The following CFAP70 variants were observed in gnomAD, a reference collection of about 807,000 sequenced individuals.
CFAP70 encodes cilia- and flagella-associated protein 70.
CFAP70 carries 81 observed loss-of-function variants against 137.6 expected under a neutral mutation model. The observed-to-expected ratio is 0.59, with a 90% CI of 0.49 to 0.71. CFAP70 has a LOEUF of 0.71. Ranked by LOEUF, CFAP70 falls within the 30% of genes least tolerant of loss-of-function variation. The probability of loss-of-function intolerance (pLI) is 0.00; values close to 1 mark genes in which losing one functional copy is unlikely to be tolerated. For synonymous variants in CFAP70, 382 were observed against 423.6 expected (o/e 0.90, Z 1.20); for missense variants, 976 against 1,226.7 (o/e 0.80, Z 3.05).
chr10:73,259,859 T>C (rs947587351), intron 25 of CFAP70, among the ~76,000 whole-genome samples: 1 of 151,880 alleles, frequency 6.6e-6, no homozygotes, highest in African/African-American at 2.4e-5. Context: ...GGTGAGACTC[T>C]GTCTCTACAA....
chr10:73,343,349 T>C (rs1045674466), intron 5 of CFAP70, among the ~76,000 whole-genome samples: 1 of 151,984 alleles, frequency 6.6e-6, no homozygotes, highest in Non-Finnish European at 1.5e-5. Flanking sequence ...GACACTATTA[T>C]AGAGAAGCAA....
At chr10:73,343,963 A>G (rs886600353) in intron 5 of CFAP70, among the ~76,000 whole-genome samples, 1 of 140,904 alleles carries the variant, frequency 7.1e-6, no homozygotes, top group Admixed American at 6.7e-5. Flanking sequence ...ACATATGAAG[A>G]ATTTTTTTTT....
chr10:73,296,028 A>G (rs1047286287), intron 15 of CFAP70: 1 of 152,204 alleles, frequency 6.6e-6, no homozygotes, highest in Non-Finnish European at 1.5e-5. Flanking sequence ...GAAGTACTGA[A>G]TGGCATCAAT....
chr10:73,260,149 T>A (rs2045004301), intron 25 of CFAP70, among the ~76,000 whole-genome samples: 1 of 152,140 alleles, frequency 6.6e-6, no homozygotes, highest in Non-Finnish European at 1.5e-5. Context: ...GGCCAGGAGT[T>A]CAAGACTAGC....
chr10:73,358,068 CATTT>C (rs112971310), intron 1 of CFAP70, among the ~76,000 whole-genome samples: 1 of 152,228 alleles, frequency 6.6e-6, no homozygotes, highest in African/African-American at 2.4e-5. Context: ...ACCTGTTTCA[CATTT>C]ATTGTGAATA....
At chr10:73,284,743 T>C (rs1445242342) in intron 19 of CFAP70, among the ~76,000 whole-genome samples, 5 of 1,310 alleles carry the variant, frequency 3.8e-3, no homozygotes, top group Non-Finnish European at 7.4e-3. Flanking sequence ...CTGCCACATA[T>C]ATATATATAT....
At chr10:73,304,768 T>G (rs1218013934) in intron 12 of CFAP70, among the ~76,000 whole-genome samples, 1 of 151,840 alleles carries the variant, frequency 6.6e-6, no homozygotes, top group African/African-American at 2.4e-5. Context: ...ATAATGCTCC[T>G]CACATCAAGA....
intron 5 of CFAP70, among the ~76,000 whole-genome samples, chr10:73,342,736 C>CA (rs890979331): frequency 6.6e-6 from 1 of 151,654 alleles, no homozygotes; most frequent in African/African-American, 2.4e-5. Flanking sequence ...ATAGCAACAA[C>CA]AAAAAAAGAG....
In CFAP70 at chr10:73,265,334, A is replaced by G. The variant is rs545524708; in HGVS notation, c.3027+4280T>C. ...AGACTCCATCTCAAAAAAAAAAAAA[A>G]AAGAAGAAGAAGAAGAGATTCATGT... On this transcript the variant is annotated intron_variant, in intron 25 of 26. Coordinates refer to ENST00000310715, the Ensembl canonical transcript of CFAP70. Among the ~76,000 whole-genome samples, 75 of 150,778 alleles carry G rather than the reference A, an allele frequency of 5.0e-4. 2 individuals carry two copies. In the South Asian group the frequency reaches 0.011, roughly 22 times the overall value.
intron 9 of CFAP70, among the ~76,000 whole-genome samples, chr10:73,313,347 G>GGGCGATA (rs1483249865): frequency 6.8e-6 from 1 of 147,780 alleles, no homozygotes; most frequent in Non-Finnish European, 1.5e-5. Context: ...TCTCCAGCTT[G>GGGCGATA]GGCGATAGAG....
intron 7 of CFAP70, among the ~76,000 whole-genome samples, chr10:73,334,582 C>G (rs1460934289): frequency 7.0e-6 from 1 of 143,460 alleles, no homozygotes; most frequent in Non-Finnish European, 1.5e-5. Flanking sequence ...CAATTCTGGA[C>G]TCTTTTTTTT....
In CFAP70 at chr10:73,331,198, C is replaced by T; in HGVS notation, c.756G>A (p.Gly252=). Residue 252 remains glycine (G), a synonymous_variant, in exon 8 of 27, where the codon GGG becomes GGA. Coordinates refer to ENST00000310715, the Ensembl canonical transcript of CFAP70. Reference sequence around the variant, plus strand: ...TTACCTTTTCAGTTTTGCCAGCTTTCCCTTTGGGTATAGTGACCAGAGGAA... The same window carrying T: ...TTACCTTTTCAGTTTTGCCAGCTTTTCCTTTGGGTATAGTGACCAGAGGAA... The T allele has an allele frequency of 3.1e-6, 5 of 1,611,894 alleles. No homozygotes were observed. The South Asian group carries it at 5.5e-5, about 18-fold the overall frequency.
At chr10:73,279,597 G>A (rs766406109) in intron 19 of CFAP70, among the ~76,000 whole-genome samples, 1 of 151,262 alleles carries the variant, frequency 6.6e-6, no homozygotes, top group Non-Finnish European at 1.5e-5. Flanking sequence ...GGTGACTCAC[G>A]CCTGTGAGCC....
chr10:73,314,042 T>TA (rs1165870644), intron 9 of CFAP70, among the ~76,000 whole-genome samples: 1 of 152,204 alleles, frequency 6.6e-6, no homozygotes, highest in Non-Finnish European at 1.5e-5. Context: ...AATTTTTCCC[T>TA]AAAAATTCTT....
chr10:73,342,562 T>G (rs373532785), intron 5 of CFAP70, among the ~76,000 whole-genome samples: 1 of 151,620 alleles, frequency 6.6e-6, no homozygotes, highest in Non-Finnish European at 1.5e-5. Flanking sequence ...GATAGATAGA[T>G]AGAGAGATAT....
At chr10:73,315,853 CTG>C (rs1207541972) in intron 9 of CFAP70, among the ~76,000 whole-genome samples, 1 of 152,238 alleles carries the variant, frequency 6.6e-6, no homozygotes, top group Non-Finnish European at 1.5e-5. Context: ...GCTTGAGCCA[CTG>C]TACCTGGCCA....
chr10:73,270,523 CCCCCTCCCCTCCCCTCCCCT>C (rs2046204697), intron 24 of CFAP70, among the ~76,000 whole-genome samples: 1 of 15,534 alleles, frequency 6.4e-5, no homozygotes, highest in African/African-American at 2.9e-4. Flanking sequence ...CCCCTCCCCT[CCCCCTCCCCTCCCCTCCCCT>C]TCCCTTCTCT....
At chr10:73,306,034 A>G (rs778600622) in intron 12 of CFAP70, among the ~76,000 whole-genome samples, 5 of 152,164 alleles carry the variant, frequency 3.3e-5, no homozygotes, top group Non-Finnish European at 7.3e-5. Context: ...TTAAAAGTAC[A>G]ATATTTGGAA....
intron 14 of CFAP70, among the ~76,000 whole-genome samples, chr10:73,297,523 G>A (rs1564803211): frequency 6.6e-6 from 1 of 152,194 alleles, no homozygotes; most frequent in Non-Finnish European, 1.5e-5. Context: ...GCTGGGCTGA[G>A]AATCCAGAGA....
Sources: gnomAD v4.1 joint callset for allele counts (sites outside exome capture counted in the v4.1 genomes callset) on GRCh38, gnomAD v4.1.1 for gene constraint, MANE v1.5 for transcripts, NCBI Gene and HGNC (gene_info 2026-07-23, HGNC 2026-07-21) for gene names.